The following MYO9A variants were observed in gnomAD, a reference collection of about 807,000 sequenced individuals.
MYO9A encodes the protein myosin IXA.
A neutral mutation model predicts 293.3 loss-of-function variants in MYO9A; 103 were observed. The ratio of observed to expected loss-of-function variants is 0.35; its 90% CI spans 0.30 to 0.41. The LOEUF (loss-of-function observed/expected upper bound fraction) is 0.41. MYO9A is among the 10% of genes least tolerant of loss of function. The probability of loss-of-function intolerance (pLI) is 1.00; values close to 1 mark genes in which losing one functional copy is unlikely to be tolerated. For synonymous variants in MYO9A, 1,001 were observed against 1,035.7 expected (o/e 0.97, Z 0.64); for missense variants, 2,685 against 3,033.0 (o/e 0.89, Z 2.69).
intron 2 of MYO9A, chr15:72,040,007 C>T: frequency 5.4e-6 from 1 of 184,332 alleles, no homozygotes; most frequent in Non-Finnish European, 1.1e-5. Context: ...CCTGCAGCAG[C>T]AATCTGGTCT....
chr15:72,081,385 G>A (rs1255123370), intron 1 of MYO9A, among the ~76,000 whole-genome samples: 1 of 152,158 alleles, frequency 6.6e-6, no homozygotes, highest in Non-Finnish European at 1.5e-5. Flanking sequence ...GTGTGTTCAT[G>A]TCCTTTACCC....
At chr15:72,102,498 TTA>T (rs147457271) in intron 1 of MYO9A, among the ~76,000 whole-genome samples, 5,339 of 141,856 alleles carry the variant, frequency 0.038, 175 homozygotes, top group East Asian at 0.17. Flanking sequence ...ATAAATAAAT[TTA>T]AAAAAAAAAA....
intron 5 of MYO9A, among the ~76,000 whole-genome samples, chr15:72,019,340 T>C (rs55935015): frequency 0.014 from 2,106 of 152,286 alleles, 22 homozygotes; most frequent in East Asian, 0.025. Context: ...CCATATCCTA[T>C]GAATATTGAC....
intron 1 of MYO9A, among the ~76,000 whole-genome samples, chr15:72,078,280 G>C (rs1596523746): frequency 6.6e-6 from 1 of 152,220 alleles, no homozygotes; most frequent in African/African-American, 2.4e-5. Flanking sequence ...GAACGCTTGA[G>C]CCTAGGAGTT....
chr15:71,826,701 G>A lies in MYO9A; in HGVS notation c.7526C>T (p.Pro2509Leu), dbSNP rs2054516669. The A allele has an allele frequency of 1.2e-6, 2 of 1,613,990 alleles. No homozygotes were observed. Among genetic ancestry groups the A allele is most frequent in the Non-Finnish European group, 8.5e-7 (1 of 1,180,000 alleles). The change falls in exon 42 of 42, where the codon CCT becomes CTT. Residue 2509 changes from proline (P) to leucine (L), a missense_variant. This residue lies in a region of MYO9A where 350 missense variants were observed against 328.9 expected (regional missense o/e 1.06). Transcript: ENST00000356056. The stretch of plus-strand genomic sequence containing the variant: ...CTCTGGGGTCTCTTTGGTTTTCTGA[G>A]GTGAGTTTTTCACATTCTTTAATTT... ...KQKLKNVKNSPQKTKETPEGT... is the reference protein window; with the variant it reads ...KQKLKNVKNSLQKTKETPEGT...
At chr15:72,056,343 T>C (rs2078717815) in intron 1 of MYO9A, among the ~76,000 whole-genome samples, 1 of 152,124 alleles carries the variant, frequency 6.6e-6, no homozygotes, top group African/African-American at 2.4e-5. Context: ...CCAGCCCAAA[T>C]GCCCATCAAT....
chr15:72,058,434 G>A (rs2078782377), intron 1 of MYO9A, among the ~76,000 whole-genome samples: 1 of 151,814 alleles, frequency 6.6e-6, no homozygotes, highest in Non-Finnish European at 1.5e-5. Context: ...TTTCAAATCA[G>A]AAAATCAAGA....
chr15:71,912,925 C>G (rs1369083960), intron 19 of MYO9A, among the ~76,000 whole-genome samples: 1 of 151,492 alleles, frequency 6.6e-6, no homozygotes, highest in African/African-American at 2.4e-5. Context: ...CTCTTTTTAA[C>G]TGGTTTTAGC....
intron 1 of MYO9A, among the ~76,000 whole-genome samples, chr15:72,066,294 C>A (rs1163134267): frequency 6.6e-6 from 1 of 152,010 alleles, no homozygotes; most frequent in African/African-American, 2.4e-5. Context: ...CAAGACCATC[C>A]TAGCCAACAT....
chr15:71,825,006 A>T lies in MYO9A; in HGVS notation c.*1574T>A, dbSNP rs1210366757. 1.3e-5 allele frequency: 2 copies of T among 152,250 alleles called. No homozygotes were observed. Among genetic ancestry groups the T allele is most frequent in the Non-Finnish European group, 2.9e-5 (2 of 68,040 alleles). The allele number at this position is 152,250 out of a possible 1,614,324, so 9.4% of individuals were successfully genotyped here. On this transcript the variant is annotated 3_prime_UTR_variant, in exon 42 of 42. Coordinates refer to ENST00000356056, the MANE Select transcript of MYO9A (RefSeq NM_006901.4). ...GAAGAATACCCAAAATACAGGTTAT[A>T]GATGGTAAAGGCTCTTTTTCAGAGC...
At chr15:72,018,591 T>C (rs1000693432) in intron 6 of MYO9A, among the ~76,000 whole-genome samples, 2 of 152,228 alleles carry the variant, frequency 1.3e-5, no homozygotes, top group Non-Finnish European at 2.9e-5. Context: ...GCATTCATTA[T>C]GTGTAAAGAC....
chr15:72,069,593 C>T (rs922962451), intron 1 of MYO9A, among the ~76,000 whole-genome samples: 3 of 152,054 alleles, frequency 2.0e-5, no homozygotes, highest in African/African-American at 7.2e-5. Flanking sequence ...TTGTGACAAA[C>T]CACTTATCAG....
At chr15:71,996,879 A>G (rs866820762) in intron 9 of MYO9A, among the ~76,000 whole-genome samples, 6 of 151,968 alleles carry the variant, frequency 3.9e-5, no homozygotes, top group Admixed American at 2.0e-4. Flanking sequence ...TTCCCTCCTC[A>G]TAAGTGTAGG....
At chr15:71,886,194 T>TAAA (rs34921688) in intron 27 of MYO9A, among the ~76,000 whole-genome samples, 6 of 127,170 alleles carry the variant, frequency 4.7e-5, no homozygotes, top group African/African-American at 1.5e-4. Flanking sequence ...TAAAGTAGGG[T>TAAA]AAAAAAAAAA....
At chr15:71,926,135 T>C (rs1243250743) in intron 18 of MYO9A, among the ~76,000 whole-genome samples, 5 of 152,012 alleles carry the variant, frequency 3.3e-5, no homozygotes, top group Non-Finnish European at 5.9e-5. Context: ...TCTTTACCTG[T>C]AGTCAACATC....
chr15:71,998,453 T>C (rs138166825), intron 9 of MYO9A, among the ~76,000 whole-genome samples: 5 of 152,216 alleles, frequency 3.3e-5, no homozygotes, highest in Non-Finnish European at 5.9e-5. Flanking sequence ...AAAGTTAAAT[T>C]TTTTAAAAGA....
chr15:72,032,414 C>T, intron 3 of MYO9A, 80 bp downstream of exon 3: 1 of 858,104 alleles, frequency 1.2e-6, no homozygotes. Context: ...TGGGAATGAA[C>T]AATACATAGT....
At chr15:71,887,915 T>C (rs1278563170) in intron 27 of MYO9A, 89 bp downstream of exon 27, 8 of 683,608 alleles carry the variant, frequency 1.2e-5, no homozygotes, top group Middle Eastern at 3.1e-4. Context: ...CTATCAATTA[T>C]GGTTTTTTTA....
intron 4 of MYO9A, 125 bp from the exon 5 acceptor site, chr15:72,021,142 A>T: frequency 1.7e-6 from 1 of 594,528 alleles, no homozygotes; most frequent in Non-Finnish European, 2.9e-6. Flanking sequence ...TTTAATATAA[A>T]TGTGATAAAT....
Sources: gnomAD v4.1 joint callset for allele counts (sites outside exome capture counted in the v4.1 genomes callset) on GRCh38, gnomAD v4.1.1 for gene constraint, gnomAD v4.1.1 regional missense constraint, MANE v1.5 for transcripts, NCBI Gene and HGNC (gene_info 2026-07-23, HGNC 2026-07-21) for gene names.